DPRX: variants seen among roughly 807,000 people sequenced by gnomAD.
The protein encoded by DPRX is divergent paired-related homeobox.
Under a neutral mutation model 8.4 loss-of-function variants are expected in DPRX, and 11 were observed. That is an observed-to-expected ratio of 1.31 (90% CI 0.82 to 2.17). The LOEUF (loss-of-function observed/expected upper bound fraction) is 2.17. Among genes scored for constraint, DPRX ranks in the 30% most tolerant of loss-of-function variants. The probability of loss-of-function intolerance (pLI) is 0.00; values close to 1 mark genes in which losing one functional copy is unlikely to be tolerated. For missense variants in DPRX, 211 were observed against 236.7 expected (o/e 0.89, Z 0.71); for synonymous variants, 72 against 87.0 (o/e 0.83, Z 0.96).
the DPRX span, among the ~76,000 whole-genome samples, chr19:53,609,222 C>A: frequency 6.6e-6 from 1 of 151,656 alleles, no homozygotes; most frequent in African/African-American, 2.4e-5. Context: ...AATCCCAGCA[C>A]TTTGGGAGGC....
upstream of DPRX, among the ~76,000 whole-genome samples, chr19:53,629,119 G>C (rs1568582906): frequency 6.7e-6 from 1 of 150,344 alleles, no homozygotes; most frequent in Non-Finnish European, 1.5e-5. Context: ...TTTGAGACCA[G>C]CCTGGCCAAC....
chr19:53,604,797 C>G, the DPRX span, among the ~76,000 whole-genome samples: 1 of 148,794 alleles, frequency 6.7e-6, no homozygotes, highest in African/African-American at 2.5e-5. Context: ...GAGCTGAGAT[C>G]GTGCCACTGC....
intron 2 of DPRX, among the ~76,000 whole-genome samples, chr19:53,635,547 A>G (rs2091108788): frequency 6.6e-6 from 1 of 150,828 alleles, no homozygotes; most frequent in East Asian, 2.0e-4. Flanking sequence ...GGCCCAGCCA[A>G]TTTGTGTGTT....
chr19:53,623,732 C>G, the DPRX span, among the ~76,000 whole-genome samples: 1 of 152,074 alleles, frequency 6.6e-6, no homozygotes, highest in South Asian at 2.1e-4. Flanking sequence ...AAGTGAATTA[C>G]CTGAGGTCAG....
At chr19:53,621,073 T>C in the DPRX span, among the ~76,000 whole-genome samples, 2 of 152,288 alleles carry the variant, frequency 1.3e-5, no homozygotes, top group South Asian at 4.1e-4. Context: ...GAGTATGATA[T>C]GGACATCTGC....
At chr19:53,628,520 C>T (rs1258674810), upstream of DPRX, among the ~76,000 whole-genome samples, 2 of 151,938 alleles carry the variant, frequency 1.3e-5, no homozygotes, top group Non-Finnish European at 2.9e-5. Context: ...TAAAAATAAG[C>T]GGTTCGGTGG....
At chr19:53,626,805 T>G in the DPRX span, among the ~76,000 whole-genome samples, 4 of 152,082 alleles carry the variant, frequency 2.6e-5, no homozygotes, top group African/African-American at 9.7e-5. Flanking sequence ...TTCAAGCAAT[T>G]CTGGTGCCTC....
At chr19:53,608,377 A>T in the DPRX span, 3 of 152,658 alleles carry the variant, frequency 2.0e-5, no homozygotes, top group East Asian at 3.9e-4. Context: ...CGCAGCTCAG[A>T]ACCAAAAGGT....
At chr19:53,631,721 T>C (rs2091093472), upstream of DPRX, among the ~76,000 whole-genome samples, 1 of 150,162 alleles carries the variant, frequency 6.7e-6, no homozygotes, top group African/African-American at 2.5e-5. Flanking sequence ...GATGGTGTCA[T>C]TGCGCTCCAG....
chr19:53,634,486 A>T, intron 1 of DPRX, 45 bp from the exon 2 acceptor site: 1 of 1,578,274 alleles, frequency 6.3e-7, no homozygotes, highest in African/African-American at 1.4e-5. Context: ...TTGAGAATGG[A>T]GTTGTTAGCA....
the DPRX span, chr19:53,603,270 C>T: frequency 6.7e-6 from 3 of 450,964 alleles, no homozygotes; most frequent in Non-Finnish European, 1.3e-5. Flanking sequence ...CTCTCAACTA[C>T]CAAAGCCCCA....
chr19:53,635,399 T>C (rs2091108393), intron 2 of DPRX, among the ~76,000 whole-genome samples: 1 of 152,178 alleles, frequency 6.6e-6, no homozygotes, highest in Non-Finnish European at 1.5e-5. Context: ...TGGAGTGCAG[T>C]GGCACGATCA....
At chr19:53,626,397 CA>C in the DPRX span, among the ~76,000 whole-genome samples, 2 of 152,014 alleles carry the variant, frequency 1.3e-5, no homozygotes, top group Admixed American at 6.6e-5. Context: ...CCCATCTCTA[CA>C]AAAAAAGTTT....
chr19:53,617,487 G>C, the DPRX span, among the ~76,000 whole-genome samples: 705 of 150,390 alleles, frequency 4.7e-3, 5 homozygotes, highest in African/African-American at 0.016. Context: ...GAACCCGGGA[G>C]GCAGAGGATG....
At chr19:53,607,002 G>A in the DPRX span, 1 of 154,026 alleles carries the variant, frequency 6.5e-6, no homozygotes, top group African/African-American at 2.4e-5. Context: ...GCTCCATGGA[G>A]AATCACGCCA....
chr19:53,602,115 C>T, the DPRX span: 5 of 456,562 alleles, frequency 1.1e-5, no homozygotes, highest in Middle Eastern at 3.2e-4. Context: ...AGAGAACAGG[C>T]GTTTGGGCCA....
chr19:53,627,770 T>A (rs1225662917), upstream of DPRX, among the ~76,000 whole-genome samples: 1 of 148,810 alleles, frequency 6.7e-6, no homozygotes, highest in Non-Finnish European at 1.5e-5. Flanking sequence ...AAAGTTTTTG[T>A]CTGGGTGTGG....
chr19:53,601,696 G>A, the DPRX span, among the ~76,000 whole-genome samples: 2 of 151,968 alleles, frequency 1.3e-5, no homozygotes, highest in South Asian at 2.1e-4. Flanking sequence ...TGGTCAGGCT[G>A]GTCCCGAACT....
At chr19:53,633,061 C>T (rs901912744) in intron 1 of DPRX, among the ~76,000 whole-genome samples, 5 of 152,036 alleles carry the variant, frequency 3.3e-5, no homozygotes, top group South Asian at 4.2e-4. Context: ...TTTGGGAGGC[C>T]GAGGTGGGCA....
Sources: gnomAD v4.1 joint callset for allele counts (sites outside exome capture counted in the v4.1 genomes callset) on GRCh38, gnomAD v4.1.1 for gene constraint, MANE v1.5 for transcripts, NCBI Gene and HGNC (gene_info 2026-07-23, HGNC 2026-07-21) for gene names.